The following PCDH15 variants were observed in gnomAD, a reference collection of about 807,000 sequenced individuals.
PCDH15 encodes protocadherin-15.
A neutral mutation model predicts 178.5 loss-of-function variants in PCDH15; 129 were observed. That is an observed-to-expected ratio of 0.72 (90% confidence interval 0.63 to 0.84). PCDH15 has a LOEUF of 0.84. Ranked by LOEUF, PCDH15 falls within the 40% of genes least tolerant of loss-of-function variation. The pLI, the probability that PCDH15 is intolerant of heterozygous loss-of-function variation, is 0.00. For missense variants in PCDH15, 2,230 were observed against 2,099.9 expected (o/e 1.06, Z -1.21); for synonymous variants, 800 against 732.0 (o/e 1.09, Z -1.50).
At chr10:55,472,884 T>C (rs1173297937) in intron 2 of PCDH15, among the ~76,000 whole-genome samples, 1 of 152,160 alleles carries the variant, frequency 6.6e-6, no homozygotes, top group Non-Finnish European at 1.5e-5. Flanking sequence ...ATCACCAAGT[T>C]TTCTTTATTA....
chr10:55,223,911 G>A (rs768541555), intron 1 of PCDH15, among the ~76,000 whole-genome samples: 20 of 152,046 alleles, frequency 1.3e-4, no homozygotes, highest in Non-Finnish European at 2.1e-4. Context: ...TAGTACTGAA[G>A]CACATACCCT....
At chr10:54,954,142 A>G (rs905541094) in intron 2 of PCDH15, among the ~76,000 whole-genome samples, 11 of 151,382 alleles carry the variant, frequency 7.3e-5, no homozygotes, top group Admixed American at 7.3e-4. Flanking sequence ...CATCTAAAGG[A>G]TAAAATAATA....
At chr10:55,236,244 A>T (rs559363530) in intron 1 of PCDH15, among the ~76,000 whole-genome samples, 1 of 152,212 alleles carries the variant, frequency 6.6e-6, no homozygotes, top group African/African-American at 2.4e-5. Context: ...TATTATAATT[A>T]AATAAGCACC....
chr10:55,470,080 G>C (rs1202321669), intron 2 of PCDH15, among the ~76,000 whole-genome samples: 1 of 152,078 alleles, frequency 6.6e-6, no homozygotes, highest in Non-Finnish European at 1.5e-5. Flanking sequence ...GGTAGATGCA[G>C]TGTCTCATGC....
chr10:55,284,944 G>A (rs577138301), intron 1 of PCDH15, among the ~76,000 whole-genome samples: 10 of 151,686 alleles, frequency 6.6e-5, no homozygotes, highest in Admixed American at 6.6e-5. Context: ...AGTCAAAGAC[G>A]GTATAAACAA....
At chr10:54,427,855 T>C (rs1956484750) in intron 3 of PCDH15, among the ~76,000 whole-genome samples, 1 of 152,146 alleles carries the variant, frequency 6.6e-6, no homozygotes, top group African/African-American at 2.4e-5. Flanking sequence ...TTCCTTGAAA[T>C]TGCAATCGTC....
chr10:55,483,944 A>T (rs945007450), intron 2 of PCDH15, among the ~76,000 whole-genome samples: 2 of 151,852 alleles, frequency 1.3e-5, no homozygotes, highest in African/African-American at 4.8e-5. Flanking sequence ...ATGTGGTACA[A>T]ATACACCATG....
At chr10:55,538,392 TCC>T (rs1225523090) in intron 2 of PCDH15, among the ~76,000 whole-genome samples, 9 of 144,692 alleles carry the variant, frequency 6.2e-5, no homozygotes, top group African/African-American at 7.8e-5. Context: ...CTTCCTTCCT[TCC>T]TTTCTTCCTT....
At chr10:53,876,361 G>T (rs1307534828) in intron 26 of PCDH15, among the ~76,000 whole-genome samples, 2 of 151,954 alleles carry the variant, frequency 1.3e-5, no homozygotes, top group East Asian at 3.9e-4. Context: ...CTAATTTTTT[G>T]TATTTTAGGA....
chr10:54,674,019 T>A (rs1034591037), intron 1 of PCDH15, among the ~76,000 whole-genome samples: 1 of 152,186 alleles, frequency 6.6e-6, no homozygotes, highest in Non-Finnish European at 1.5e-5. Flanking sequence ...ATTTCATATG[T>A]CATATCTTTT....
chr10:54,213,969 T>A lies in PCDH15; in HGVS notation c.1065A>T (p.Arg355Ser), dbSNP rs976746637. The A allele has an allele frequency of 1.2e-6, 2 of 1,609,372 alleles. No individual in the cohort carries two copies. The highest frequency in any genetic ancestry group is 1.7e-6 in the Non-Finnish European group (2 of 1,175,884). The change falls in exon 10 of 38, where the codon AGA (arginine) becomes AGT (serine). Residue 355 changes from arginine (R) to serine (S), a missense_variant. Coordinates refer to ENST00000644397, the MANE Select transcript of PCDH15 (RefSeq NM_001384140.1). ...AELSLLEPVN[R>S]DFHQKFDLVI... The stretch of plus-strand genomic sequence containing the variant: ...CCAAATCAAATTTCTGGTGAAAGTC[T>A]CTGTTTACTGGCTCCAGGAGACTAA...
At position 55,334,242 on chromosome 10, in the gene PCDH15, ATGTGTG is replaced by A. The variant is rs1208145029; in HGVS notation, c.-155-167597_-155-167592del. On this transcript the variant is annotated intron_variant, in intron 2 of 5. Coordinates refer to the PCDH15 transcript ENST00000613346. ...GCTCCATATATATATATATATATAT[ATGTGTG>A]TGTGTGTGTGTGTGTGTGTGTGTGT... Among the ~76,000 whole-genome samples the A allele has an allele frequency of 1.4e-3, 99 of 72,134 alleles. 2 individuals carry two copies. The highest frequency in any genetic ancestry group is 1.7e-3 in the South Asian group (3 of 1,816). The allele number at this position is 72,134 out of a possible 152,430, so 47.3% of individuals were successfully genotyped here. A position where few individuals can be genotyped will look rare whatever the true frequency, so the allele number is the denominator to read the frequency against.
intron 1 of PCDH15, among the ~76,000 whole-genome samples, chr10:55,257,228 C>T (rs957696511): frequency 2.6e-5 from 4 of 152,006 alleles, no homozygotes; most frequent in African/African-American, 4.8e-5. Context: ...CATCTGTATG[C>T]CACCATCATC....
intron 2 of PCDH15, among the ~76,000 whole-genome samples, chr10:54,968,393 C>A (rs1036879659): frequency 2.6e-5 from 4 of 151,894 alleles, no homozygotes; most frequent in African/African-American, 4.8e-5. Flanking sequence ...TTGGTATTCA[C>A]CTTCATTTTT....
At chr10:55,547,633 C>T (rs1841913328) in intron 2 of PCDH15, among the ~76,000 whole-genome samples, 1 of 152,042 alleles carries the variant, frequency 6.6e-6, no homozygotes, top group Non-Finnish European at 1.5e-5. Flanking sequence ...TGGATCTCTT[C>T]CACTGAGATA....
intron 1 of PCDH15, among the ~76,000 whole-genome samples, chr10:54,787,319 C>T (rs956815684): frequency 1.7e-4 from 26 of 151,702 alleles, no homozygotes; most frequent in African/African-American, 6.1e-4. Context: ...TGCTTTGTGA[C>T]AGTTACACAA....
chr10:54,240,128 T>C (rs113445455), intron 8 of PCDH15, among the ~76,000 whole-genome samples: 1 of 152,038 alleles, frequency 6.6e-6, no homozygotes, highest in African/African-American at 2.4e-5. Flanking sequence ...ACCTCCACAG[T>C]AGATGAAACC....
At chr10:53,832,421 A>G (rs2077066606) in intron 29 of PCDH15, among the ~76,000 whole-genome samples, 1 of 151,942 alleles carries the variant, frequency 6.6e-6, no homozygotes. Flanking sequence ...TGATGCAGCA[A>G]CTGTGTTCTT....
intron 23 of PCDH15, among the ~76,000 whole-genome samples, chr10:53,957,122 C>T (rs556479812): frequency 5.9e-5 from 9 of 152,258 alleles, no homozygotes; most frequent in African/African-American, 1.9e-4. Context: ...AAACAGTACA[C>T]CACTTAAGTT....
Sources: allele counts gnomAD v4.1 joint callset (sites outside exome capture counted in the v4.1 genomes callset), GRCh38; gene constraint gnomAD v4.1.1; transcripts MANE v1.5; gene names NCBI Gene and HGNC (gene_info 2026-07-23, HGNC 2026-07-21).